FLRT2: variants seen among roughly 807,000 people sequenced by gnomAD.
The protein encoded by FLRT2 is leucine-rich repeat transmembrane protein FLRT2.
In FLRT2, 15 loss-of-function variants were observed where a neutral mutation model predicts 40.0. The ratio of observed to expected loss-of-function variants is 0.38; its 90% CI spans 0.25 to 0.58. The LOEUF (loss-of-function observed/expected upper bound fraction) is 0.58, where lower values mean the gene tolerates loss of function less well. Among genes scored for constraint, FLRT2 ranks in the 20% least tolerant of loss-of-function variants. FLRT2 has a pLI of 0.71. For synonymous variants in FLRT2, 380 were observed against 336.8 expected (o/e 1.13, Z -1.41); for missense variants, 726 against 840.0 (o/e 0.86, Z 1.68).
At chr14:85,567,001 G>T (rs181176661) in intron 1 of FLRT2, among the ~76,000 whole-genome samples, 1 of 152,130 alleles carries the variant, frequency 6.6e-6, no homozygotes, top group Non-Finnish European at 1.5e-5. Context: ...AATTTCTCAT[G>T]ATTGAAACAG....
chr14:85,613,770 C>A (rs1893002920), intron 1 of FLRT2, among the ~76,000 whole-genome samples: 2 of 152,180 alleles, frequency 1.3e-5, no homozygotes, highest in Admixed American at 6.5e-5. Flanking sequence ...AGGTTAGGAG[C>A]AGGCCCTGCA....
chr14:85,537,950 G>A (rs2139804613), intron 1 of FLRT2, among the ~76,000 whole-genome samples: 1 of 151,472 alleles, frequency 6.6e-6, no homozygotes, highest in South Asian at 2.1e-4. Flanking sequence ...TTAAACAGTA[G>A]CTACTTTTTC....
rs1373675165 is a variant in FLRT2 at position 85,623,383 on chromosome 14, A to T, written c.1869A>T (p.Arg623Ser). Residue 623 changes from arginine to serine, a missense_variant, in exon 2 of 2, where the codon AGA becomes AGT. Arg to Ser is a moderately radical substitution (Grantham distance 110). Coordinates refer to ENST00000330753, the MANE Select transcript of FLRT2 (RefSeq NM_013231.6). ...ATCAACTCCTTAAAGGAGATTTCAG[A>T]CTGCAGCCCATTTACACCCCAAATG... is the stretch of plus-strand genomic sequence containing the variant. ...NNDQLLKGDFRLQPIYTPNGG... is the reference protein window; with the variant it reads ...NNDQLLKGDFSLQPIYTPNGG... 6.6e-7 allele frequency: 1 copy of T among 1,517,740 alleles called. No individual in the cohort carries two copies. Among genetic ancestry groups the T allele is most frequent in the Non-Finnish European group, 8.8e-7 (1 of 1,135,850 alleles). 94.0% of individuals were successfully genotyped at this position (1,517,740 alleles called of 1,614,324 possible).
At position 85,654,090 on chromosome 14, in the gene FLRT2, A is replaced by C. The variant is rs1894494035; in HGVS notation, c.*30593A>C. ...TTCACTTAAGGCAAGGCATATTAAA[A>C]TACAAATTCGTAAAGATAATACCTT... On this transcript the variant is annotated 3_prime_UTR_variant, in exon 2 of 2. Transcript: ENST00000330753. The C allele has an allele frequency of 6.6e-6, 1 of 152,184 alleles. No homozygotes were observed. Among genetic ancestry groups the C allele is most frequent in the South Asian group, 2.1e-4 (1 of 4,824 alleles). The allele number at this position is 152,184 out of a possible 1,614,324, so 9.4% of individuals were successfully genotyped here.
chr14:85,590,824 C>G (rs914692071), intron 1 of FLRT2, among the ~76,000 whole-genome samples: 3 of 152,106 alleles, frequency 2.0e-5, no homozygotes, highest in East Asian at 1.9e-4. Context: ...CCTCAAACTC[C>G]TGACCTCAGG....
chr14:85,614,937 T>A lies in FLRT2; in HGVS notation c.-376-6202T>A, dbSNP rs142694760. On this transcript the variant is annotated intron_variant, in intron 1 of 1. Coordinates refer to ENST00000330753, the MANE Select transcript of FLRT2 (RefSeq NM_013231.6). The stretch of plus-strand genomic sequence containing the variant: ...ATAGACATTCACTGTAGAAGATACA[T>A]CTGTTATGGACCATATACTTTTATA... Among the ~76,000 whole-genome samples the A allele has an allele frequency of 2.1e-3, 314 of 152,348 alleles. 1 individual carries two copies. Among genetic ancestry groups the A allele is most frequent in the Non-Finnish European group, 3.6e-3 (243 of 68,036 alleles).
In FLRT2 at chr14:85,612,326, C is replaced by T. The variant is rs1016303486; in HGVS notation, c.-376-8813C>T. ...TTTAAATTCTTCTGTGTTTGGAGAA[C>T]ACATCTCAGAATTCATTCACATAAT... On this transcript the variant is annotated intron_variant, in intron 1 of 1. Coordinates refer to ENST00000330753, the MANE Select transcript of FLRT2 (RefSeq NM_013231.6). 4.3e-4 allele frequency among the ~76,000 whole-genome samples: 65 copies of T among 152,076 alleles called. 1 individual carries two copies. Among genetic ancestry groups the T allele is most frequent in the Non-Finnish European group, 8.8e-5 (6 of 68,036 alleles).
Position 85,641,927 on chromosome 14 carries a change from G to C in FLRT2, c.*18430G>C, listed in dbSNP as rs184992486. 6.6e-6 allele frequency: 1 copy of C among 152,126 alleles called. No homozygotes were observed. Among genetic ancestry groups the C allele is most frequent in the African/African-American group, 2.4e-5 (1 of 41,520 alleles). 9.4% of individuals were successfully genotyped at this position (152,126 alleles called of 1,614,324 possible). ...GAATGAAGAGCCTATTAAAGCCAAG[G>C]CTTTGGTGACCAATGTGATTGCTTC... On this transcript the variant is annotated 3_prime_UTR_variant, in exon 2 of 2. Coordinates refer to ENST00000330753, the MANE Select transcript of FLRT2 (RefSeq NM_013231.6).
intron 1 of FLRT2, among the ~76,000 whole-genome samples, chr14:85,534,176 G>A (rs1213404619): frequency 6.6e-6 from 1 of 152,236 alleles, no homozygotes; most frequent in African/African-American, 2.4e-5. Context: ...GCTGTGCTGA[G>A]AGGCAAATTC....
At position 85,622,940 on chromosome 14, in the gene FLRT2, C is replaced by G; in HGVS notation, c.1426C>G (p.Gln476Glu). ...VQERIVSGEK[Q>E]HLSLVNLEPR... ...GGAGCGCATAGTCAGCGGTGAGAAG[C>G]AACACCTGAGCCTGGTTAACTTAGA... The change falls in exon 2 of 2, where the codon CAA (glutamine) becomes GAA (glutamate). Residue 476 changes from glutamine to glutamate, a missense_variant. Physicochemically the swap from Gln to Glu is conservative, Grantham distance 29. This residue lies in a region of FLRT2 where 611 missense variants were observed against 690.0 expected (regional missense o/e 0.89). Coordinates refer to ENST00000330753, the MANE Select transcript of FLRT2 (RefSeq NM_013231.6). 1 of 1,614,186 alleles carries G rather than the reference C, an allele frequency of 6.2e-7. No homozygotes were observed.
intron 1 of FLRT2, among the ~76,000 whole-genome samples, chr14:85,533,125 A>T (rs973889213): frequency 1.3e-5 from 2 of 152,100 alleles, no homozygotes; most frequent in Admixed American, 1.3e-4. Flanking sequence ...TAAACCAGAA[A>T]AGTAGGAGGG....
At chr14:85,537,747 C>T (rs1490259142) in intron 1 of FLRT2, among the ~76,000 whole-genome samples, 1 of 151,742 alleles carries the variant, frequency 6.6e-6, no homozygotes, top group Non-Finnish European at 1.5e-5. Context: ...AATACAGAGA[C>T]TTATTTCATT....
intron 1 of FLRT2, among the ~76,000 whole-genome samples, chr14:85,603,931 C>T (rs561930653): frequency 2.5e-4 from 38 of 152,290 alleles, no homozygotes; most frequent in Non-Finnish European, 5.3e-4. Flanking sequence ...TTCTGGATAA[C>T]ATAAGGTAAC....
At chr14:85,611,377 T>G (rs1388201015) in intron 1 of FLRT2, among the ~76,000 whole-genome samples, 1 of 152,232 alleles carries the variant, frequency 6.6e-6, no homozygotes, top group Non-Finnish European at 1.5e-5. Context: ...CAAAAACCTT[T>G]GCTTTTCTAG....
chr14:85,580,518 C>T (rs528904472), intron 1 of FLRT2, among the ~76,000 whole-genome samples: 3 of 152,098 alleles, frequency 2.0e-5, no homozygotes, highest in Non-Finnish European at 4.4e-5. Flanking sequence ...TTCACACATA[C>T]CTAAAAATCT....
Position 85,622,588 on chromosome 14 carries a change from G to A in FLRT2, c.1074G>A (p.Leu358=). 2 of 1,613,158 alleles carry A rather than the reference G, an allele frequency of 1.2e-6. No homozygotes were observed. Among genetic ancestry groups the A allele is most frequent in the Non-Finnish European group, 1.7e-6 (2 of 1,179,870 alleles). The change falls in exon 2 of 2, where the codon TTG becomes TTA. Residue 358 remains leucine (L), a synonymous_variant. Coordinates refer to ENST00000330753, the MANE Select transcript of FLRT2 (RefSeq NM_013231.6). Reference sequence around the variant, plus strand: ...TCAGGGAATTAAATATGAATCTTTTGTCCTGTCCCACCACGACCCCCGGCC... The same window carrying A: ...TCAGGGAATTAAATATGAATCTTTTATCCTGTCCCACCACGACCCCCGGCC... ...MAVRELNMNL[L]SCPTTTPGLP...
intron 1 of FLRT2, among the ~76,000 whole-genome samples, chr14:85,618,914 C>G (rs1893258547): frequency 6.6e-6 from 1 of 152,018 alleles, no homozygotes; most frequent in Non-Finnish European, 1.5e-5. Flanking sequence ...GGTTTGAAAC[C>G]TGAGCTAAGG....
Position 85,621,777 on chromosome 14 carries a change from A to C in FLRT2, c.263A>C (p.Gln88Pro). The C allele has an allele frequency of 6.2e-7, 1 of 1,614,236 alleles. No individual in the cohort carries two copies. The highest frequency in any genetic ancestry group is 8.5e-7 in the Non-Finnish European group (1 of 1,180,042). The change falls in exon 2 of 2, where the codon CAG becomes CCG. Residue 88 changes from glutamine to proline, a missense_variant. Transcript: ENST00000330753. The stretch of plus-strand genomic sequence containing the variant: ...TTTCCTGCAGAACTGCACAATGTAC[A>C]GTCGGTGCACACGGTCTACCTGTAT... ...AGFPAELHNV[Q>P]SVHTVYLYGN...
At chr14:85,560,092 A>C (rs1890212803) in intron 1 of FLRT2, among the ~76,000 whole-genome samples, 1 of 151,646 alleles carries the variant, frequency 6.6e-6, no homozygotes, top group African/African-American at 2.4e-5. Context: ...CCCAGCTCTG[A>C]CTCTTTGGGG....
Sources: allele counts gnomAD v4.1 joint callset (sites outside exome capture counted in the v4.1 genomes callset), GRCh38; gene constraint gnomAD v4.1.1; regional missense constraint gnomAD v4.1.1; transcripts MANE v1.5; gene names NCBI Gene and HGNC (gene_info 2026-07-23, HGNC 2026-07-21).